Variants in ADAM32 observed in about 807,000 individuals in gnomAD.
ADAM32 encodes the protein ADAM metallopeptidase domain 32, also known as disintegrin and metalloproteinase domain-containing protein 32.
Under a neutral mutation model 114.9 loss-of-function variants are expected in ADAM32, and 89 were observed. That is an observed-to-expected ratio of 0.77 (90% CI 0.65 to 0.92). The LOEUF (loss-of-function observed/expected upper bound fraction) is 0.92. Ranked by LOEUF, ADAM32 falls within the 40% of genes least tolerant of loss-of-function variation. The probability of loss-of-function intolerance (pLI) is 0.00; values close to 1 mark genes in which losing one functional copy is unlikely to be tolerated. For missense variants in ADAM32, 870 were observed against 932.8 expected (o/e 0.93, Z 0.88); for synonymous variants, 285 against 307.5 (o/e 0.93, Z 0.77).
chr8:39,255,137 G>A (rs928306792), intron 18 of ADAM32, among the ~76,000 whole-genome samples: 10 of 151,852 alleles, frequency 6.6e-5, no homozygotes, highest in African/African-American at 2.4e-4. Flanking sequence ...GGGCATTTGG[G>A]CTGGTTCCAT....
intron 3 of ADAM32, among the ~76,000 whole-genome samples, chr8:39,137,317 G>C (rs1158954402): frequency 6.6e-6 from 1 of 152,204 alleles, no homozygotes; most frequent in African/African-American, 2.4e-5. Flanking sequence ...GCATTGGAGA[G>C]AGGTGGATTA....
At chr8:39,188,136 T>G (rs1371491070) in intron 11 of ADAM32, among the ~76,000 whole-genome samples, 2 of 152,168 alleles carry the variant, frequency 1.3e-5, no homozygotes, top group East Asian at 3.8e-4. Context: ...GGGTTAACTC[T>G]TATGTTCTAA....
chr8:39,257,286 T>C lies in ADAM32; in HGVS notation c.2105T>C (p.Leu702Ser), dbSNP rs1391125530. The C allele has an allele frequency of 1.9e-6, 3 of 1,613,246 alleles. No homozygotes were observed. The highest frequency in any genetic ancestry group is 3.3e-5 in the Admixed American group (2 of 59,904). ...CTCATTGTAACAACCGCAATAGTTT[T>C]GGCAAGGAAACAGTTGAAAAAGTGG... ...PILIVTTAIV[L>S]ARKQLKKWFA... Residue 702 changes from leucine (L) to serine (S), a missense_variant, in exon 19 of 25, where the codon TTG becomes TCG. By Grantham distance (145) the Leu-to-Ser change is moderately radical (BLOSUM62 -2). Coordinates refer to ENST00000379907, the MANE Select transcript of ADAM32 (RefSeq NM_145004.7).
At chr8:39,199,494 T>C (rs1467538002) in intron 11 of ADAM32, among the ~76,000 whole-genome samples, 4 of 152,234 alleles carry the variant, frequency 2.6e-5, no homozygotes, top group Non-Finnish European at 2.9e-5. Context: ...AAACTCTCAT[T>C]TGTATTTTTA....
At chr8:39,185,379 AC>A (rs1051091029) in intron 10 of ADAM32, among the ~76,000 whole-genome samples, 61 of 152,172 alleles carry the variant, frequency 4.0e-4, no homozygotes, top group African/African-American at 1.3e-3. Flanking sequence ...AAACAAAAAA[AC>A]AGCAGAGATT....
chr8:39,164,961 T>C, intron 8 of ADAM32, 69 bp from the exon 9 acceptor site: 2 of 1,518,602 alleles, frequency 1.3e-6, no homozygotes, highest in African/African-American at 2.8e-5. Flanking sequence ...GTAAAAACTT[T>C]GAATTTCTGG....
chr8:39,150,204 G>A (rs76056803), intron 5 of ADAM32, among the ~76,000 whole-genome samples: 4,170 of 152,170 alleles, frequency 0.027, 213 homozygotes, highest in African/African-American at 0.095. Flanking sequence ...GGAAAACAGG[G>A]AAATTAATCA....
intron 3 of ADAM32, among the ~76,000 whole-genome samples, chr8:39,140,942 AATT>A (rs1803113937): frequency 1.3e-5 from 2 of 152,104 alleles, no homozygotes. Flanking sequence ...ATTTGCATAG[AATT>A]TATCCATTTC....
At chr8:39,165,268 AATT>A (rs1804759178) in intron 9 of ADAM32, 72 bp downstream of exon 9, 2 of 1,103,904 alleles carry the variant, frequency 1.8e-6, no homozygotes, top group East Asian at 5.6e-5. Context: ...TAATGTAAGG[AATT>A]ATTATTCATT....
chr8:39,117,031 ATGC>A, intron 1 of ADAM32, among the ~76,000 whole-genome samples: 1 of 151,988 alleles, frequency 6.6e-6, no homozygotes, highest in Non-Finnish European at 1.5e-5. Flanking sequence ...CTACATGCAC[ATGC>A]CACCATGCCC....
intron 1 of ADAM32, among the ~76,000 whole-genome samples, chr8:39,113,996 A>G (rs2129444120): frequency 8.2e-6 from 1 of 122,322 alleles, no homozygotes; most frequent in South Asian, 2.6e-4. Context: ...ATTGGAATCT[A>G]TATTTTTTTC....
intron 2 of ADAM32, chr8:39,130,059 A>T (rs1802348144): frequency 4.5e-6 from 1 of 222,228 alleles, no homozygotes; most frequent in African/African-American, 2.3e-5. Context: ...GGTTCAAGTG[A>T]TTCTCCTGCC....
chr8:39,107,924 C>T (rs1393029810), intron 1 of ADAM32, 91 bp downstream of exon 1: 15 of 1,413,350 alleles, frequency 1.1e-5, no homozygotes, highest in Non-Finnish European at 1.4e-5. Context: ...CTGTCTGGGT[C>T]CCTTTGGTCC....
intron 16 of ADAM32, among the ~76,000 whole-genome samples, chr8:39,237,884 G>A (rs1307010026): frequency 1.3e-5 from 2 of 152,156 alleles, no homozygotes; most frequent in Non-Finnish European, 2.9e-5. Context: ...ACTTACCTGG[G>A]TGACCTTAGG....
chr8:39,171,144 C>T (rs1256626559), intron 10 of ADAM32, among the ~76,000 whole-genome samples: 1 of 152,012 alleles, frequency 6.6e-6, no homozygotes, highest in African/African-American at 2.4e-5. Flanking sequence ...ACATGTTGGC[C>T]ATGACAGTCT....
intron 1 of ADAM32, among the ~76,000 whole-genome samples, chr8:39,109,814 A>G (rs796856105): frequency 9.2e-5 from 14 of 152,176 alleles, no homozygotes; most frequent in African/African-American, 3.1e-4. Flanking sequence ...CAAATGTACA[A>G]TGACATGCAT....
intron 10 of ADAM32, among the ~76,000 whole-genome samples, chr8:39,180,441 C>A (rs978183429): frequency 2.6e-5 from 4 of 152,246 alleles, no homozygotes; most frequent in Admixed American, 2.6e-4. Context: ...GCGGCCCGAG[C>A]CTCCCCGACG....
chr8:39,230,326 A>C (rs1398116411), intron 14 of ADAM32, among the ~76,000 whole-genome samples: 1 of 152,192 alleles, frequency 6.6e-6, no homozygotes, highest in Non-Finnish European at 1.5e-5. Context: ...AGAGAAAGTG[A>C]TCATCTAATA....
intron 19 of ADAM32, among the ~76,000 whole-genome samples, chr8:39,264,942 A>C (rs1812264987): frequency 1.3e-5 from 2 of 152,004 alleles, no homozygotes; most frequent in South Asian, 4.1e-4. Context: ...GCTGATGTGA[A>C]GAATTTACAT....
Sources: gnomAD v4.1 joint callset for allele counts (sites outside exome capture counted in the v4.1 genomes callset) on GRCh38, gnomAD v4.1.1 for gene constraint, MANE v1.5 for transcripts, NCBI Gene and HGNC (gene_info 2026-07-23, HGNC 2026-07-21) for gene names.